The following ETV1 variants were observed in gnomAD, a reference collection of about 807,000 sequenced individuals.
ETV1 encodes ETS translocation variant 1.
Under a neutral mutation model 62.3 loss-of-function variants are expected in ETV1, and 27 were observed. The observed-to-expected ratio is 0.43, with a 90% confidence interval of 0.32 to 0.60. The LOEUF (loss-of-function observed/expected upper bound fraction) is 0.60. Among genes scored for constraint, ETV1 ranks in the 20% least tolerant of loss-of-function variants. The pLI, the probability that ETV1 is intolerant of heterozygous loss-of-function variation, is 0.06. For synonymous variants in ETV1, 222 were observed against 199.6 expected, an observed-to-expected ratio of 1.11 and a Z score of -0.94; for missense variants, 605 against 605.8, an observed-to-expected ratio of 1.00 and a Z score of 0.01.
chr7:13,955,489 A>G (rs2128476410), intron 6 of ETV1, among the ~76,000 whole-genome samples: 1 of 152,308 alleles, frequency 6.6e-6, no homozygotes, highest in South Asian at 2.1e-4. Context: ...ATGAACTCTA[A>G]GAGTCTCTGC....
chr7:13,915,076 T>C (rs1784004186), intron 9 of ETV1, among the ~76,000 whole-genome samples: 1 of 152,198 alleles, frequency 6.6e-6, no homozygotes, highest in Non-Finnish European at 1.5e-5. Context: ...TTTGAATCTC[T>C]TAGAGGAAAT....
chr7:13,969,362 T>A (rs1295975767), intron 6 of ETV1, among the ~76,000 whole-genome samples: 1 of 152,198 alleles, frequency 6.6e-6, no homozygotes, highest in African/African-American at 2.4e-5. Flanking sequence ...CCTAGTATAT[T>A]TTAAAAATAA....
At chr7:13,988,810 A>C in intron 3 of ETV1, 198 bp downstream of exon 3, 1 of 1,606,150 alleles carries the variant, frequency 6.2e-7, no homozygotes, top group East Asian at 2.2e-5. Context: ...AAACAAAACT[A>C]TGCCTTATCC....
intron 9 of ETV1, among the ~76,000 whole-genome samples, chr7:13,912,745 G>C (rs1783686723): frequency 6.6e-6 from 1 of 152,100 alleles, no homozygotes; most frequent in Non-Finnish European, 1.5e-5. Flanking sequence ...CTTAAAATTG[G>C]TGTCCTTTAT....
At chr7:13,960,224 C>G (rs1790006803) in intron 6 of ETV1, among the ~76,000 whole-genome samples, 1 of 152,158 alleles carries the variant, frequency 6.6e-6, no homozygotes, top group Non-Finnish European at 1.5e-5. Flanking sequence ...CAAACCAACT[C>G]TTTCATGGCT....
At chr7:13,900,896 A>G (rs771580110) in intron 12 of ETV1, 57 bp from the exon 13 acceptor site, 2 of 1,176,770 alleles carry the variant, frequency 1.7e-6, no homozygotes, top group Admixed American at 2.3e-5. Context: ...AGCATATTTC[A>G]TAAAAATTAT....
rs769910514 is a variant in ETV1 at position 13,939,195 on chromosome 7, C to A, written c.287G>T (p.Cys96Phe). The change falls in exon 7 of 14, where the codon TGT becomes TTT. Residue 96 changes from cysteine (C) to phenylalanine (F), a missense_variant. By Grantham distance (205) the Cys-to-Phe change is radical. Coordinates refer to ENST00000430479, the MANE Select transcript of ETV1 (RefSeq NM_004956.5). ...ACTGCAGGCAGAGCTGATTTCTGAA[C>A]ATGGACTGTGGGGTTCTTTCTTGAT... ...LKIKKEPHSPCSEISSACSQE... is the reference protein window; with the variant it reads ...LKIKKEPHSPFSEISSACSQE... The A allele has an allele frequency of 1.2e-5, 19 of 1,612,810 alleles. No homozygotes were observed. Among genetic ancestry groups the A allele is most frequent in the Non-Finnish European group, 1.6e-5 (19 of 1,179,628 alleles).
chr7:13,909,515 T>C, intron 11 of ETV1, 117 bp downstream of exon 11: 2 of 751,056 alleles, frequency 2.7e-6, no homozygotes, highest in Non-Finnish European at 4.6e-6. Context: ...ATTAAGTGCA[T>C]GATGAATTAT....
At chr7:13,989,169 T>TAAAA in intron 2 of ETV1, 30 bp from the exon 3 acceptor site, 5 of 702,026 alleles carry the variant, frequency 7.1e-6, no homozygotes, top group Non-Finnish European at 1.2e-5. Flanking sequence ...CTTTTAGGCT[T>TAAAA]AAAAAAAAAT....
At chr7:13,948,055 C>T (rs896519849) in intron 6 of ETV1, among the ~76,000 whole-genome samples, 1 of 152,190 alleles carries the variant, frequency 6.6e-6, no homozygotes, top group Non-Finnish European at 1.5e-5. Context: ...AGAGTATTCA[C>T]GTTTGCTTTT....
intron 10 of ETV1, among the ~76,000 whole-genome samples, chr7:13,910,316 C>G (rs1370366935): frequency 6.8e-6 from 1 of 146,228 alleles, no homozygotes; most frequent in African/African-American, 2.5e-5. Context: ...TGTCCTCTCT[C>G]AAATATCCTT....
chr7:13,909,004 T>C (rs888887875), intron 11 of ETV1, among the ~76,000 whole-genome samples: 2 of 152,090 alleles, frequency 1.3e-5, no homozygotes, highest in African/African-American at 2.4e-5. Flanking sequence ...TCAATTTAAC[T>C]TGACACCCTT....
At chr7:13,969,220 C>T (rs886584178) in intron 6 of ETV1, among the ~76,000 whole-genome samples, 1 of 152,102 alleles carries the variant, frequency 6.6e-6, no homozygotes, top group African/African-American at 2.4e-5. Flanking sequence ...AATCTACAAT[C>T]AGCAATGACT....
intron 7 of ETV1, among the ~76,000 whole-genome samples, chr7:13,936,869 C>G (rs939610141): frequency 6.6e-6 from 1 of 151,818 alleles, no homozygotes; most frequent in Non-Finnish European, 1.5e-5. Context: ...GGTGAAACCC[C>G]GTCTCTACTA....
At chr7:13,952,432 C>A (rs1788936332) in intron 6 of ETV1, among the ~76,000 whole-genome samples, 1 of 152,114 alleles carries the variant, frequency 6.6e-6, no homozygotes, top group South Asian at 2.1e-4. Flanking sequence ...GCTCTACAAG[C>A]CTCAATAATA....
intron 3 of ETV1, chr7:13,988,782 C>A (rs1562727937): frequency 6.2e-7 from 1 of 1,607,044 alleles, no homozygotes. Context: ...GCACTTTAAT[C>A]AGAAAAAGGG....
At chr7:13,901,260 C>T (rs910911620) in intron 12 of ETV1, among the ~76,000 whole-genome samples, 1 of 152,206 alleles carries the variant, frequency 6.6e-6, no homozygotes, top group Non-Finnish European at 1.5e-5. Context: ...CCACCTTGGC[C>T]TCCAAAAGTG....
intron 5 of ETV1, among the ~76,000 whole-genome samples, chr7:13,978,612 G>A (rs1404459013): frequency 6.6e-6 from 1 of 151,912 alleles, no homozygotes; most frequent in Admixed American, 6.6e-5. Context: ...TATTCTGCAT[G>A]AGGAATGCTT....
At chr7:13,965,476 C>T (rs915338475) in intron 6 of ETV1, among the ~76,000 whole-genome samples, 6 of 151,292 alleles carry the variant, frequency 4.0e-5, no homozygotes, top group Non-Finnish European at 7.4e-5. Context: ...AGAATAGAAA[C>T]AGTTTTGAAG....
Sources: allele counts gnomAD v4.1 joint callset (sites outside exome capture counted in the v4.1 genomes callset), GRCh38; gene constraint gnomAD v4.1.1; transcripts MANE v1.5; gene names NCBI Gene and HGNC (gene_info 2026-07-23, HGNC 2026-07-21).